Variants in ADCK1 observed in about 807,000 individuals in gnomAD.
ADCK1 encodes aarF domain-containing protein kinase 1.
A neutral mutation model predicts 52.3 loss-of-function variants in ADCK1; 41 were observed. That is an observed-to-expected ratio of 0.78 (90% CI 0.61 to 1.02). The LOEUF (loss-of-function observed/expected upper bound fraction) is 1.02. Ranked by LOEUF, ADCK1 falls within the 50% of genes least tolerant of loss-of-function variation. ADCK1 has a pLI of 0.00. For missense variants in ADCK1, 658 were observed against 679.5 expected (o/e 0.97, Z 0.35); for synonymous variants, 250 against 274.6 (o/e 0.91, Z 0.89).
chr14:77,930,573 G>A (rs1396155248), intron 9 of ADCK1, among the ~76,000 whole-genome samples: 1 of 152,172 alleles, frequency 6.6e-6, no homozygotes, highest in Non-Finnish European at 1.5e-5. Flanking sequence ...ATTGCCAGAT[G>A]GTGAGGGCAC....
chr14:77,837,779 C>A (rs1321310970), intron 3 of ADCK1, among the ~76,000 whole-genome samples: 1 of 152,186 alleles, frequency 6.6e-6, no homozygotes, highest in African/African-American at 2.4e-5. Context: ...TCCCCTCAGC[C>A]CTCTGCAATT....
intron 4 of ADCK1, among the ~76,000 whole-genome samples, chr14:77,862,618 C>A (rs760262386): frequency 6.6e-6 from 1 of 152,206 alleles, no homozygotes; most frequent in Non-Finnish European, 1.5e-5. Context: ...TGTTGGAGGA[C>A]GTGGTATTGG....
chr14:77,832,830 G>C (rs1446519778), intron 3 of ADCK1, among the ~76,000 whole-genome samples: 1 of 152,172 alleles, frequency 6.6e-6, no homozygotes, highest in Non-Finnish European at 1.5e-5. Flanking sequence ...TAAAGATCCT[G>C]TTTGTCTGCA....
intron 6 of ADCK1, among the ~76,000 whole-genome samples, chr14:77,905,530 G>A (rs927811590): frequency 6.6e-6 from 1 of 152,006 alleles, no homozygotes; most frequent in Admixed American, 6.5e-5. Context: ...CTCTGGTGGG[G>A]CTGGCTAGAG....
intron 7 of ADCK1, among the ~76,000 whole-genome samples, chr14:77,916,983 AG>A (rs1353751249): frequency 6.6e-6 from 1 of 152,202 alleles, no homozygotes; most frequent in East Asian, 1.9e-4. Flanking sequence ...TGCTTTGGAC[AG>A]GGCTGAAGTG....
At chr14:77,803,157 C>T (rs998318085) in intron 1 of ADCK1, among the ~76,000 whole-genome samples, 3 of 151,888 alleles carry the variant, frequency 2.0e-5, no homozygotes, top group Admixed American at 6.6e-5. Flanking sequence ...TTCTGAAGAC[C>T]CTATCACTCT....
chr14:77,852,683 A>ATATATAATATATATATATATAT (rs2082321578), intron 3 of ADCK1, among the ~76,000 whole-genome samples: 1 of 84,026 alleles, frequency 1.2e-5, no homozygotes, highest in Non-Finnish European at 2.4e-5. Flanking sequence ...ATATATATAT[A>ATATATAATATATATATATATAT]TATATATATA....
intron 3 of ADCK1, among the ~76,000 whole-genome samples, chr14:77,839,620 G>T (rs1309791524): frequency 6.6e-6 from 1 of 152,098 alleles, no homozygotes; most frequent in Non-Finnish European, 1.5e-5. Context: ...CTTGCAGAGA[G>T]CAGCAGTGAT....
At chr14:77,847,983 G>A (rs1305799881) in intron 3 of ADCK1, among the ~76,000 whole-genome samples, 1 of 152,220 alleles carries the variant, frequency 6.6e-6, no homozygotes, top group Non-Finnish European at 1.5e-5. Context: ...ACCAGGGTGG[G>A]TGGGTGTTGT....
intron 10 of ADCK1, 60 bp from the exon 11 acceptor site, chr14:77,933,160 C>A: frequency 6.4e-7 from 1 of 1,560,792 alleles, no homozygotes; most frequent in Non-Finnish European, 8.7e-7. Flanking sequence ...CTAAATGATA[C>A]AGAGCTAGTG....
chr14:77,920,901 G>C (rs1484160235), intron 7 of ADCK1, among the ~76,000 whole-genome samples: 2 of 151,992 alleles, frequency 1.3e-5, no homozygotes, highest in African/African-American at 2.4e-5. Flanking sequence ...TATCCCTCCT[G>C]AGCCTCCCAA....
intron 4 of ADCK1, among the ~76,000 whole-genome samples, chr14:77,881,089 AC>A (rs2083012138): frequency 6.6e-6 from 1 of 152,186 alleles, no homozygotes; most frequent in East Asian, 1.9e-4. Flanking sequence ...ATAACAAATT[AC>A]CCACGTCCCA....
chr14:77,838,481 G>A (rs1222325165), intron 3 of ADCK1, among the ~76,000 whole-genome samples: 1 of 152,098 alleles, frequency 6.6e-6, no homozygotes, highest in African/African-American at 2.4e-5. Context: ...ACTGCAGCCT[G>A]GACTTCCCAG....
intron 4 of ADCK1, among the ~76,000 whole-genome samples, chr14:77,886,564 C>T (rs556035525): frequency 7.2e-5 from 11 of 152,264 alleles, no homozygotes; most frequent in South Asian, 4.2e-4. Flanking sequence ...CTCTGTATGC[C>T]TACCGTGAAT....
chr14:77,877,700 G>A (rs1288062069), intron 4 of ADCK1, among the ~76,000 whole-genome samples: 3 of 152,174 alleles, frequency 2.0e-5, no homozygotes, highest in African/African-American at 7.2e-5. Context: ...TACCTCCTGG[G>A]TTCAAACGAT....
chr14:77,896,914 G>C (rs896556473), intron 5 of ADCK1, among the ~76,000 whole-genome samples: 1 of 152,192 alleles, frequency 6.6e-6, no homozygotes, highest in Non-Finnish European at 1.5e-5. Context: ...TTGGAATGGC[G>C]TCTGGTACAT....
At chr14:77,827,100 T>A (rs2081726288) in intron 3 of ADCK1, among the ~76,000 whole-genome samples, 1 of 151,980 alleles carries the variant, frequency 6.6e-6, no homozygotes, top group South Asian at 2.1e-4. Context: ...ACGCCTGTAA[T>A]CCCAGCACTT....
chr14:77,886,871 C>T (rs2083159115), intron 4 of ADCK1, among the ~76,000 whole-genome samples: 1 of 151,948 alleles, frequency 6.6e-6, no homozygotes, highest in African/African-American at 2.4e-5. Flanking sequence ...CATGCCACTG[C>T]ACTCCAGCCT....
At chr14:77,906,846 T>C (rs2140255382) in intron 6 of ADCK1, among the ~76,000 whole-genome samples, 1 of 152,314 alleles carries the variant, frequency 6.6e-6, no homozygotes, top group Admixed American at 6.5e-5. Context: ...CAGGTTTCCA[T>C]TTTTGTTCAT....
Sources: allele counts gnomAD v4.1 joint callset (sites outside exome capture counted in the v4.1 genomes callset), GRCh38; gene constraint gnomAD v4.1.1; transcripts MANE v1.5; gene names NCBI Gene and HGNC (gene_info 2026-07-23, HGNC 2026-07-21).